The following MOSPD3 variants were observed in gnomAD, a reference collection of about 807,000 sequenced individuals.
MOSPD3 encodes motile sperm domain containing 3.
MOSPD3 carries 20 observed loss-of-function variants against 23.3 expected under a neutral mutation model. That is an observed-to-expected ratio of 0.86 (90% CI 0.61 to 1.25). The LOEUF (loss-of-function observed/expected upper bound fraction) is 1.25, where lower values mean the gene tolerates loss of function less well. MOSPD3 is among the 50% of genes most tolerant of loss of function. The pLI is 0.00. For synonymous variants in MOSPD3, 136 were observed against 135.2 expected (o/e 1.01, Z -0.04); for missense variants, 307 against 315.7 (o/e 0.97, Z 0.21).
upstream of MOSPD3, chr7:100,612,402 G>T (rs1802848996): frequency 6.3e-6 from 1 of 158,738 alleles, no homozygotes; most frequent in Non-Finnish European, 1.4e-5. Context: ...GAGTCTGGCT[G>T]GAGAGAGGAG....
chr7:100,612,938 C>G lies in MOSPD3; in HGVS notation c.147C>G (p.Ser49Arg). ...PDLVFRADQR[S>R]GPRQLLTLYN... Reference sequence around the variant, plus strand: ...TAGTATTCAGGGCGGACCAGCGGAGCGGACCCCGACAGCTGCTGACCCTCT... The same window carrying G: ...TAGTATTCAGGGCGGACCAGCGGAGGGGACCCCGACAGCTGCTGACCCTCT... Residue 49 changes from serine to arginine, a missense_variant, in exon 1 of 5, where the codon AGC (serine) becomes AGG (arginine). Ser to Arg is a moderately radical substitution (Grantham distance 110, BLOSUM62 -1). Transcript: ENST00000393950. The G allele has an allele frequency of 6.2e-7, 1 of 1,613,914 alleles. No homozygotes were observed. Among genetic ancestry groups the G allele is most frequent in the Non-Finnish European group, 8.5e-7 (1 of 1,180,002 alleles).
In MOSPD3 at chr7:100,613,277, AG is replaced by A. The variant is rs773265011; in HGVS notation, c.281+9del. 135 of 1,608,560 alleles carry A rather than the reference AG, an allele frequency of 8.4e-5. No homozygotes were observed. The highest frequency in any genetic ancestry group is 1.1e-4 in the Non-Finnish European group (131 of 1,175,336). ...CCAGTCTTGCATTGACATGTGAGTG[AG>A]CTGGGAGGGTGGGGAGGCTTGTGGA... On this transcript the variant is annotated intron_variant, in intron 2 of 4. Transcript: ENST00000393950.
Position 100,614,923 on chromosome 7 carries a change from G to T in MOSPD3, c.568G>T (p.Val190Leu), listed in dbSNP as rs745442715. ...CCTCCTCTTCTTGCTGACGGGGATT[G>T]TGTCTGTGGCCTTCCTGCTGCTCCC... ...SFLLFLLTGI[V>L]SVAFLLLPLP... is the part of the protein sequence containing the mutation. Residue 190 changes from valine to leucine, a missense_variant, in exon 4 of 5, where the codon GTG (valine) becomes TTG (leucine). Physicochemically the swap from Val to Leu is conservative, Grantham distance 32. Coordinates refer to ENST00000393950, the MANE Select transcript of MOSPD3 (RefSeq NM_023948.5). The T allele has an allele frequency of 1.9e-6, 3 of 1,614,140 alleles. No homozygotes were observed. Among genetic ancestry groups the T allele is most frequent in the Non-Finnish European group, 2.5e-6 (3 of 1,180,016 alleles).
In MOSPD3 at chr7:100,612,718, C is replaced by G. The variant is rs971423914; in HGVS notation, c.-74C>G. ...GCTCATCTTGTCCCCTTTCGCCCCT[C>G]ACGCCCCCCAGCTCTGACTCCAGGC... On this transcript the variant is annotated 5_prime_UTR_variant, in exon 1 of 5. Coordinates refer to ENST00000393950, the MANE Select transcript of MOSPD3 (RefSeq NM_023948.5). 5 of 1,239,686 alleles carry G rather than the reference C, an allele frequency of 4.0e-6. No individual in the cohort carries two copies. The highest frequency in any genetic ancestry group is 5.6e-6 in the Non-Finnish European group (5 of 893,532). 76.8% of individuals were successfully genotyped at this position (1,239,686 alleles called of 1,614,324 possible).
intron 3 of MOSPD3, among the ~76,000 whole-genome samples, chr7:100,613,980 C>T (rs1802915993): frequency 6.6e-6 from 1 of 152,138 alleles, no homozygotes; most frequent in Non-Finnish European, 1.5e-5. Flanking sequence ...CAATAAGAAA[C>T]CTGTATTGAG....
rs773986275 is a variant in MOSPD3, at chr7:100,614,919, G to C, written c.564G>C (p.Gly188=). 1.9e-6 allele frequency: 3 copies of C among 1,614,046 alleles called. No individual in the cohort carries two copies. The East Asian group carries it at 6.7e-5, about 36-fold the overall frequency. The part of the protein sequence containing the change: ...TSSFLLFLLT[G]IVSVAFLLLP... ...CCTTCCTCCTCTTCTTGCTGACGGG[G>C]ATTGTGTCTGTGGCCTTCCTGCTGC... Residue 188 remains glycine, a synonymous_variant, in exon 4 of 5, where the codon GGG becomes GGC. Coordinates refer to ENST00000393950, the MANE Select transcript of MOSPD3 (RefSeq NM_023948.5).
In MOSPD3 at chr7:100,615,277, T is replaced by G; in HGVS notation, c.*94T>G. On this transcript the variant is annotated 3_prime_UTR_variant, in exon 5 of 5. Coordinates refer to ENST00000393950, the MANE Select transcript of MOSPD3 (RefSeq NM_023948.5). Reference sequence around the variant, plus strand: ...TCATACCTTACCTTGCCTCCTACCCTCTTCTCTTTCCTGCCTACTCCCCAC... The same window carrying G: ...TCATACCTTACCTTGCCTCCTACCCGCTTCTCTTTCCTGCCTACTCCCCAC... The G allele has an allele frequency of 8.5e-7, 1 of 1,170,644 alleles. No homozygotes were observed. The highest frequency in any genetic ancestry group is 1.2e-6 in the Non-Finnish European group (1 of 833,220). The allele number at this position is 1,170,644 out of a possible 1,614,324, so 72.5% of individuals were successfully genotyped here. A position where few individuals can be genotyped will look rare whatever the true frequency, so the allele number is the denominator to read the frequency against.
In MOSPD3 at chr7:100,612,871, C is replaced by T; in HGVS notation, c.80C>T (p.Pro27Leu). 1.2e-6 allele frequency: 2 copies of T among 1,613,020 alleles called. No homozygotes were observed. Among genetic ancestry groups the T allele is most frequent in the Non-Finnish European group, 1.7e-6 (2 of 1,179,810 alleles). The change falls in exon 1 of 5, where the codon CCC (proline) becomes CTC (leucine). Residue 27 changes from proline (P) to leucine (L), a missense_variant. Pro to Leu is a moderately conservative substitution (Grantham distance 98). Coordinates refer to ENST00000393950, the MANE Select transcript of MOSPD3 (RefSeq NM_023948.5). ...PGRGSRGAPP[P>L]LGPVVPVLVF... ...CGGGGGTCCCGGGGCGCCCCTCCTC[C>T]CTTGGGACCCGTTGTCCCGGTCCTG...
rs572038926 is a variant in MOSPD3 at position 100,615,124 on chromosome 7, C to T, written c.677-28C>T. The T allele has an allele frequency of 1.2e-5, 19 of 1,614,082 alleles. No individual in the cohort carries two copies. The South Asian group carries it at 1.6e-4, about 14-fold the overall frequency. On this transcript the variant is annotated intron_variant, in intron 4 of 4. Transcript: ENST00000393950. ...CAGAGCCCCAGGGCTGCCCATGCGA[C>T]CCTATTCTTTCTTTGTCCCCCCTCC...
At position 100,613,004 on chromosome 7, in the gene MOSPD3, G is replaced by A. The variant is rs758844978; in HGVS notation, c.205+8G>A. The A allele has an allele frequency of 5.6e-6, 9 of 1,613,938 alleles. No individual in the cohort carries two copies. Among genetic ancestry groups the A allele is most frequent in the Non-Finnish European group, 7.6e-6 (9 of 1,179,970 alleles). ...CTGCGCTTCGCTTCCGAGGTAAAGG[G>A]ATCGGCGCCTCGTGGGGGCTGGTGG... On this transcript the variant is annotated splice_region_variant and intron_variant, in intron 1 of 4. Transcript: ENST00000393950.
rs758758777 is a variant in MOSPD3, at chr7:100,612,920, C to G, written c.129C>G (p.Phe43Leu). ...PVLVFPPDLV[F>L]RADQRSGPRQ... ...TGGTCTTTCCCCCGGATCTAGTATT[C>G]AGGGCGGACCAGCGGAGCGGACCCC... Residue 43 changes from phenylalanine to leucine, a missense_variant, in exon 1 of 5, where the codon TTC (phenylalanine) becomes TTG (leucine). By Grantham distance (22) the Phe-to-Leu change is conservative. Transcript: ENST00000393950. 3.1e-6 allele frequency: 5 copies of G among 1,613,624 alleles called. No individual in the cohort carries two copies. The highest frequency in any genetic ancestry group is 2.7e-5 in the African/African-American group (2 of 74,886).
intron 1 of MOSPD3, 97 bp downstream of exon 1, chr7:100,613,093 G>A (rs1004214005): frequency 6.3e-7 from 1 of 1,579,562 alleles, no homozygotes; most frequent in African/African-American, 1.3e-5. Context: ...GTCCAGCTTT[G>A]GTGGACTGGG....
Position 100,615,291 on chromosome 7 carries a change from C to A in MOSPD3, c.*108C>A. 1 of 1,003,902 alleles carries A rather than the reference C, an allele frequency of 1.0e-6. No homozygotes were observed. The highest frequency in any genetic ancestry group is 1.5e-6 in the Non-Finnish European group (1 of 683,660). The allele number at this position is 1,003,902 out of a possible 1,614,324, so 62.2% of individuals were successfully genotyped here. A position where few individuals can be genotyped will look rare whatever the true frequency, so the allele number is the denominator to read the frequency against. Reference sequence around the variant, plus strand: ...GCCTCCTACCCTCTTCTCTTTCCTGCCTACTCCCCACTCCTCCCTGACAAA... The same window carrying A: ...GCCTCCTACCCTCTTCTCTTTCCTGACTACTCCCCACTCCTCCCTGACAAA... On this transcript the variant is annotated 3_prime_UTR_variant, in exon 5 of 5. Coordinates refer to ENST00000393950, the MANE Select transcript of MOSPD3 (RefSeq NM_023948.5).
intron 1 of MOSPD3, 79 bp from the exon 2 acceptor site, chr7:100,613,115 C>A: frequency 1.3e-6 from 2 of 1,583,904 alleles, no homozygotes; most frequent in Non-Finnish European, 8.7e-7. Context: ...AAGTCATGTC[C>A]AGCCTCCGGG....
rs1802867351 is a variant in MOSPD3, at chr7:100,612,830, T to C, written c.39T>C (p.Gly13=). Residue 13 remains glycine (G), a synonymous_variant, in exon 1 of 5, where the codon GGT becomes GGC. Transcript: ENST00000393950. ...RGAPQDQELV[G]PGPPGRGSRG... ...CGCCCCAGGACCAGGAGCTGGTGGG[T>C]CCGGGGCCCCCTGGGCGGGGGTCCC... 1 of 1,609,232 alleles carries C rather than the reference T, an allele frequency of 6.2e-7. No homozygotes were observed. The highest frequency in any genetic ancestry group is 1.3e-5 in the African/African-American group (1 of 74,538).
chr7:100,614,218 C>T (rs986619429), intron 3 of MOSPD3, among the ~76,000 whole-genome samples: 5 of 152,122 alleles, frequency 3.3e-5, no homozygotes, highest in Non-Finnish European at 7.3e-5. Context: ...AATCCCAGTG[C>T]TTTGGGAGGC....
rs558314957 is a variant in MOSPD3, at chr7:100,612,568, C to G, written c.-224C>G. ...GCCGTCGAGGTGGGGCTCGGCGGGT[C>G]CGAAGGAACCTGGGGCAGAGCTGGA... On this transcript the variant is annotated 5_prime_UTR_variant, in exon 1 of 5. Transcript: ENST00000393950. 8 of 445,614 alleles carry G rather than the reference C, an allele frequency of 1.8e-5. No individual in the cohort carries two copies. Among genetic ancestry groups the G allele is most frequent in the Admixed American group, 7.9e-5 (2 of 25,462 alleles). The allele number at this position is 445,614 out of a possible 1,614,324, so 27.6% of individuals were successfully genotyped here. A position where few individuals can be genotyped will look rare whatever the true frequency, so the allele number is the denominator to read the frequency against.
Position 100,613,288 on chromosome 7 carries a change from T to C in MOSPD3, c.281+19T>C, listed in dbSNP as rs753067584. 1 of 1,588,578 alleles carries C rather than the reference T, an allele frequency of 6.3e-7. No homozygotes were observed. Among genetic ancestry groups the C allele is most frequent in the South Asian group, 1.1e-5 (1 of 90,492 alleles). On this transcript the variant is annotated intron_variant, in intron 2 of 4. Coordinates refer to ENST00000393950, the MANE Select transcript of MOSPD3 (RefSeq NM_023948.5). ...TTGACATGTGAGTGAGCTGGGAGGG[T>C]GGGGAGGCTTGTGGAAGCCAGGGGT...
In MOSPD3 at chr7:100,612,841, C is replaced by A; in HGVS notation, c.50C>A (p.Pro17His). ...QDQELVGPGP[P>H]GRGSRGAPPP... Reference sequence around the variant, plus strand: ...CAGGAGCTGGTGGGTCCGGGGCCCCCTGGGCGGGGGTCCCGGGGCGCCCCT... The same window carrying A: ...CAGGAGCTGGTGGGTCCGGGGCCCCATGGGCGGGGGTCCCGGGGCGCCCCT... The change falls in exon 1 of 5, where the codon CCT becomes CAT. Residue 17 changes from proline (P) to histidine (H), a missense_variant. Coordinates refer to ENST00000393950, the MANE Select transcript of MOSPD3 (RefSeq NM_023948.5). 3 of 1,611,014 alleles carry A rather than the reference C, an allele frequency of 1.9e-6. No homozygotes were observed. Among genetic ancestry groups the A allele is most frequent in the South Asian group, 2.2e-5 (2 of 91,012 alleles).
Sources: gnomAD v4.1 joint callset for allele counts (sites outside exome capture counted in the v4.1 genomes callset) on GRCh38, gnomAD v4.1.1 for gene constraint, MANE v1.5 for transcripts, NCBI Gene and HGNC (gene_info 2026-07-23, HGNC 2026-07-21) for gene names.